NCOA2: variants seen among roughly 807,000 people sequenced by gnomAD.
NCOA2 encodes class E basic helix-loop-helix protein 75.
In NCOA2, 21 loss-of-function variants were observed where a neutral mutation model predicts 145.1. The ratio of observed to expected loss-of-function variants is 0.14; its 90% CI spans 0.10 to 0.21. The LOEUF (loss-of-function observed/expected upper bound fraction) is 0.21. Ranked by LOEUF, NCOA2 falls within the 10% of genes least tolerant of loss-of-function variation. NCOA2 has a pLI of 1.00. For missense variants in NCOA2, 1,472 were observed against 1,837.6 expected (o/e 0.80, Z 3.64); for synonymous variants, 619 against 637.5 (o/e 0.97, Z 0.44).
At chr8:70,311,972 T>C (rs372360818) in intron 1 of NCOA2, among the ~76,000 whole-genome samples, 95 of 152,348 alleles carry the variant, frequency 6.2e-4, no homozygotes, top group Admixed American at 1.2e-3. Context: ...GACTACTTTC[T>C]TATTTTATCT....
the NCOA2 span, among the ~76,000 whole-genome samples, chr8:70,424,743 T>C: frequency 6.6e-6 from 1 of 152,218 alleles, no homozygotes; most frequent in South Asian, 2.1e-4. Flanking sequence ...TGTGAAACAA[T>C]GGGTGGTCTG....
intron 2 of NCOA2, among the ~76,000 whole-genome samples, chr8:70,245,626 C>A (rs117690846): frequency 9.3e-4 from 141 of 151,974 alleles, no homozygotes; most frequent in Admixed American, 4.5e-3. Context: ...CACTCACATA[C>A]GCATGTCTAA....
Position 70,156,484 on chromosome 8 carries a change from G to A in NCOA2, c.1881C>T (p.Asp627=), listed in dbSNP as rs759302165. The A allele has an allele frequency of 4.5e-5, 73 of 1,613,822 alleles. No homozygotes were observed. The Middle Eastern group carries it at 8.2e-4, about 18-fold the overall frequency. Residue 627 remains aspartate, a synonymous_variant, in exon 11 of 23, where the codon GAC becomes GAT. Transcript: ENST00000452400. The part of the protein sequence containing the change: ...LPPAVSSERA[D]GQSRLHDSKG... ...TGCTGTCATGCAGTCTGCTCTGCCC[G>A]TCAGCTCTCTCACTGCTCACGGCCG...
chr8:70,279,116 T>C (rs943010697), intron 2 of NCOA2, among the ~76,000 whole-genome samples: 20 of 152,168 alleles, frequency 1.3e-4, no homozygotes, highest in African/African-American at 4.8e-4. Context: ...TCCTGACCTC[T>C]CGCTATTTCT....
intron 6 of NCOA2, 136 bp from the exon 7 acceptor site, chr8:70,166,890 T>C: frequency 1.2e-6 from 1 of 822,760 alleles, no homozygotes; most frequent in Middle Eastern, 3.7e-4. Flanking sequence ...CTAAATACTT[T>C]CATAATCTAG....
At chr8:70,257,126 G>C (rs1373029916) in intron 2 of NCOA2, among the ~76,000 whole-genome samples, 1 of 152,080 alleles carries the variant, frequency 6.6e-6, no homozygotes, top group Non-Finnish European at 1.5e-5. Context: ...GTTTAATTGG[G>C]GCCAAATTAG....
chr8:70,413,076 C>T, the NCOA2 span, among the ~76,000 whole-genome samples: 11 of 136,084 alleles, frequency 8.1e-5, no homozygotes, highest in African/African-American at 3.1e-4. Context: ...CCAGCCTGGG[C>T]GACAGAGTGA....
intron 1 of NCOA2, among the ~76,000 whole-genome samples, chr8:70,369,001 CAAAAAAAAGG>C (rs1360793145): frequency 6.6e-6 from 1 of 150,578 alleles, no homozygotes; most frequent in Non-Finnish European, 1.5e-5. Context: ...AGTAAAGTCT[CAAAAAAAAGG>C]AAAAAAAAGG....
chr8:70,147,943 T>C (rs1811287368), intron 12 of NCOA2, among the ~76,000 whole-genome samples: 2 of 152,176 alleles, frequency 1.3e-5, no homozygotes, highest in Admixed American at 6.5e-5. Context: ...TCATTGTCTA[T>C]TAAACACATA....
chr8:70,273,603 T>C, intron 2 of NCOA2: 2 of 745,458 alleles, frequency 2.7e-6, no homozygotes, highest in Non-Finnish European at 4.8e-6. Context: ...CAGACATCTC[T>C]GGCAGTGAAC....
intron 2 of NCOA2, among the ~76,000 whole-genome samples, chr8:70,260,992 A>G (rs1383411307): frequency 6.6e-6 from 1 of 152,234 alleles, no homozygotes; most frequent in Non-Finnish European, 1.5e-5. Flanking sequence ...GAACACTTTC[A>G]CACTGTTGCT....
chr8:70,317,932 CA>C (rs148158247), intron 1 of NCOA2, among the ~76,000 whole-genome samples: 4 of 149,370 alleles, frequency 2.7e-5, no homozygotes, highest in Admixed American at 2.0e-4. Context: ...CTCTAAAAAA[CA>C]AAAAAAAATG....
intron 11 of NCOA2, among the ~76,000 whole-genome samples, chr8:70,151,821 C>G (rs1811787415): frequency 6.6e-6 from 1 of 152,092 alleles, no homozygotes; most frequent in South Asian, 2.1e-4. Context: ...TTTACATGTT[C>G]TTCTTCAAGG....
chr8:70,151,168 T>TA (rs1811705223), intron 11 of NCOA2, among the ~76,000 whole-genome samples: 1 of 152,212 alleles, frequency 6.6e-6, no homozygotes, highest in Non-Finnish European at 1.5e-5. Context: ...TAGGTCCATG[T>TA]AAACAATAAA....
chr8:70,124,116 C>G, intron 20 of NCOA2, 34 bp from the exon 21 acceptor site: 2 of 1,593,842 alleles, frequency 1.3e-6, no homozygotes, highest in South Asian at 1.1e-5. Context: ...ATGAATGTTA[C>G]AGCTTGCTGG....
At chr8:70,123,209 T>G (rs1029244243) in intron 21 of NCOA2, among the ~76,000 whole-genome samples, 3 of 152,246 alleles carry the variant, frequency 2.0e-5, no homozygotes, top group Non-Finnish European at 2.9e-5. Flanking sequence ...ATCATTGCCT[T>G]CACGTTCCAA....
Position 70,157,145 on chromosome 8 carries a change from G to T in NCOA2, c.1220C>A (p.Ala407Asp), listed in dbSNP as rs748565262. 6.2e-7 allele frequency: 1 copy of T among 1,612,774 alleles called. No individual in the cohort carries two copies. The highest frequency in any genetic ancestry group is 1.1e-5 in the South Asian group (1 of 90,982). ...PISSNSPAHQ[A>D]LCSGNPGQDM... ...CTGACCTGGGTTCCCACTGCACAGG[G>T]CCTGATGGGCAGGGCTGTTAGAGCT... The change falls in exon 11 of 23, where the codon GCC (alanine) becomes GAC (aspartate). Residue 407 changes from alanine (A) to aspartate (D), a missense_variant. Physicochemically the swap from Ala to Asp is moderately radical, Grantham distance 126. Coordinates refer to ENST00000452400, the MANE Select transcript of NCOA2 (RefSeq NM_006540.4).
intron 1 of NCOA2, among the ~76,000 whole-genome samples, chr8:70,357,057 G>T (rs1489044274): frequency 6.6e-6 from 1 of 152,038 alleles, no homozygotes; most frequent in Non-Finnish European, 1.5e-5. Flanking sequence ...ATACATGAAG[G>T]TGGCAGTTTA....
chr8:70,427,200 T>G, the NCOA2 span, among the ~76,000 whole-genome samples: 1 of 152,214 alleles, frequency 6.6e-6, no homozygotes, highest in Non-Finnish European at 1.5e-5. Flanking sequence ...ATTTTTAAAG[T>G]GGCCTTGAAG....
Sources: gnomAD v4.1 joint callset for allele counts (sites outside exome capture counted in the v4.1 genomes callset) on GRCh38, gnomAD v4.1.1 for gene constraint, MANE v1.5 for transcripts, NCBI Gene and HGNC (gene_info 2026-07-23, HGNC 2026-07-21) for gene names.